Variants in CFHR2 observed in about 807,000 individuals in gnomAD.
CFHR2 encodes the protein complement factor H-related protein 2.
Under a neutral mutation model 21.7 loss-of-function variants are expected in CFHR2, and 22 were observed. That is an observed-to-expected ratio of 1.01 (90% CI 0.72 to 1.45). CFHR2 has a LOEUF of 1.45. Ranked by LOEUF, CFHR2 falls within the 40% of genes most tolerant of loss-of-function variation. The probability of loss-of-function intolerance (pLI) is 0.00; values close to 1 mark genes in which losing one functional copy is unlikely to be tolerated. For synonymous variants in CFHR2, 98 were observed against 97.4 expected (o/e 1.01, Z -0.04); for missense variants, 294 against 293.3 (o/e 1.00, Z -0.02).
At chr1:196,957,111 G>T (rs1366375057) in intron 3 of CFHR2, among the ~76,000 whole-genome samples, 2 of 152,038 alleles carry the variant, frequency 1.3e-5, no homozygotes, top group Non-Finnish European at 2.9e-5. Context: ...GTCTTGTAAG[G>T]CTGCTCTTTT....
intron 3 of CFHR2, among the ~76,000 whole-genome samples, chr1:196,957,594 CT>C (rs1431525485): frequency 1.3e-5 from 2 of 152,050 alleles, no homozygotes; most frequent in Non-Finnish European, 2.9e-5. Flanking sequence ...AAGAAACTTT[CT>C]GTGTTTTGTC....
At chr1:196,946,867 T>C (rs1484288236) in intron 1 of CFHR2, among the ~76,000 whole-genome samples, 1 of 152,254 alleles carries the variant, frequency 6.6e-6, no homozygotes, top group Non-Finnish European at 1.5e-5. Context: ...GTAACACTTC[T>C]ATATTGTCAT....
At position 196,951,046 on chromosome 1, in the gene CFHR2, C is replaced by G. The variant is rs756512137; in HGVS notation, c.430+18C>G. On this transcript the variant is annotated intron_variant, in intron 3 of 4. Transcript: ENST00000367415. ...GTCCACTAGTAAGTGCAATGTTGTTCTCTCAGATGCTGTTATATTATAAAG... is the reference window on the plus strand; with the variant it reads ...GTCCACTAGTAAGTGCAATGTTGTTGTCTCAGATGCTGTTATATTATAAAG... 3 of 1,613,152 alleles carry G rather than the reference C, an allele frequency of 1.9e-6. No individual in the cohort carries two copies. The South Asian group carries it at 3.3e-5, about 18-fold the overall frequency.
chr1:196,950,850 A>G lies in CFHR2; in HGVS notation c.254-2A>G, dbSNP rs763269840. 6.2e-7 allele frequency: 1 copy of G among 1,612,928 alleles called. No homozygotes were observed. Among genetic ancestry groups the G allele is most frequent in the East Asian group, 2.2e-5 (1 of 44,886 alleles). On this transcript the variant is annotated splice_acceptor_variant, in intron 2 of 4. Transcript: ENST00000367415. LOFTEE classifies it high-confidence loss of function. ...GTCTATTAATCTGTTTTTGGTCTTT[A>G]GGACTGTGTTTCTTTCCTTTTGTGG...
chr1:196,947,289 A>C (rs1659541270), intron 1 of CFHR2, among the ~76,000 whole-genome samples: 1 of 152,204 alleles, frequency 6.6e-6, no homozygotes, highest in African/African-American at 2.4e-5. Flanking sequence ...GCACCATTGC[A>C]GATATGCACA....
chr1:196,956,081 G>A (rs1484351430), intron 3 of CFHR2, among the ~76,000 whole-genome samples: 1 of 152,140 alleles, frequency 6.6e-6, no homozygotes, highest in Non-Finnish European at 1.5e-5. Context: ...CCATCCCCAT[G>A]ATCCAACCAC....
At chr1:196,946,545 CTTAT>C (rs1350535429) in intron 1 of CFHR2, among the ~76,000 whole-genome samples, 2 of 151,952 alleles carry the variant, frequency 1.3e-5, no homozygotes, top group African/African-American at 4.8e-5. Flanking sequence ...AAATATTTTA[CTTAT>C]TTATTTACTT....
chr1:196,946,679 G>C (rs778018064), intron 1 of CFHR2, among the ~76,000 whole-genome samples: 1 of 152,136 alleles, frequency 6.6e-6, no homozygotes, highest in African/African-American at 2.4e-5. Context: ...AAGATCTTCA[G>C]GGCAGTAACA....
rs139906053 is a variant in CFHR2, at chr1:196,958,000, C to T, written c.540C>T (p.Asn180=). 106 of 1,613,736 alleles carry T rather than the reference C, an allele frequency of 6.6e-5. No individual in the cohort carries two copies. The African/African-American group carries it at 1.2e-3, about 19-fold the overall frequency. ...CATCAGTTGAGTACCAGTGCCAGAA[C>T]TTGTATCAACTTGAGGGTAACAATC... ...PGSSVEYQCQ[N]LYQLEGNNQI... is the part of the protein sequence containing the mutation. Residue 180 remains asparagine, a synonymous_variant, in exon 4 of 5, where the codon AAC becomes AAT. Transcript: ENST00000367415.
At chr1:196,952,173 G>T (rs1451763742) in intron 3 of CFHR2, among the ~76,000 whole-genome samples, 2 of 152,128 alleles carry the variant, frequency 1.3e-5, no homozygotes, top group Admixed American at 6.5e-5. Flanking sequence ...CCACTGGTAA[G>T]TCTGAAGTAG....
In CFHR2 at chr1:196,958,940, A is replaced by T. The variant is rs1174198311; in HGVS notation, c.673A>T (p.Asn225Tyr). Residue 225 changes from asparagine to tyrosine, a missense_variant, in exon 5 of 5, where the codon AAC (asparagine) becomes TAC (tyrosine). Coordinates refer to ENST00000367415, the MANE Select transcript of CFHR2 (RefSeq NM_005666.4). ...EKYNIKLKWT[N>Y]QQKLYSRTGD... The stretch of plus-strand genomic sequence containing the variant: ...ATATAACATAAAATTAAAGTGGACA[A>T]ACCAACAAAAGCTTTATTCAAGAAC... 6.2e-7 allele frequency: 1 copy of T among 1,605,168 alleles called. No individual in the cohort carries two copies. The highest frequency in any genetic ancestry group is 8.5e-7 in the Non-Finnish European group (1 of 1,172,514).
intron 3 of CFHR2, 53 bp downstream of exon 3, chr1:196,951,081 A>T: frequency 6.3e-7 from 1 of 1,591,172 alleles, no homozygotes; most frequent in South Asian, 1.1e-5. Flanking sequence ...GTGTAAAAGA[A>T]ATAAATCTTT....
At chr1:196,955,837 A>T (rs1558271850) in intron 3 of CFHR2, among the ~76,000 whole-genome samples, 1 of 151,928 alleles carries the variant, frequency 6.6e-6, no homozygotes, top group East Asian at 1.9e-4. Context: ...ACAGAGCGAG[A>T]CTCTGTCTCA....
chr1:196,958,120 G>C, intron 4 of CFHR2, 47 bp downstream of exon 4: 1 of 1,549,232 alleles, frequency 6.5e-7, no homozygotes, highest in Non-Finnish European at 8.9e-7. Context: ...TCAGTGTGAT[G>C]AGTCTGATAT....
At chr1:196,953,957 G>A (rs1012866461) in intron 3 of CFHR2, among the ~76,000 whole-genome samples, 12 of 151,866 alleles carry the variant, frequency 7.9e-5, no homozygotes, top group African/African-American at 2.7e-4. Context: ...GATTAAATAA[G>A]AAAAATAAAC....
intron 3 of CFHR2, among the ~76,000 whole-genome samples, chr1:196,953,887 A>G (rs1039998432): frequency 6.6e-5 from 10 of 152,228 alleles, no homozygotes; most frequent in Non-Finnish European, 1.5e-4. Flanking sequence ...TTGAATGTCA[A>G]TTATGTAGTT....
chr1:196,958,203 T>C (rs1331847998), intron 4 of CFHR2, 130 bp downstream of exon 4: 1 of 758,092 alleles, frequency 1.3e-6, no homozygotes, highest in Non-Finnish European at 2.0e-6. Flanking sequence ...ACCAAATGTC[T>C]ATATGATAGA....
chr1:196,949,086 TAAG>T, intron 1 of CFHR2, among the ~76,000 whole-genome samples: 1 of 152,300 alleles, frequency 6.6e-6, no homozygotes, highest in East Asian at 1.9e-4. Flanking sequence ...AATTGAGAGC[TAAG>T]AACAACCCTG....
intron 3 of CFHR2, 55 bp downstream of exon 3, chr1:196,951,083 T>G: frequency 3.8e-6 from 6 of 1,586,232 alleles, no homozygotes; most frequent in Non-Finnish European, 5.2e-6. Flanking sequence ...GTAAAAGAAA[T>G]AAATCTTTTT....
Sources: gnomAD v4.1 joint callset for allele counts (sites outside exome capture counted in the v4.1 genomes callset) on GRCh38, gnomAD v4.1.1 for gene constraint, MANE v1.5 for transcripts, NCBI Gene and HGNC (gene_info 2026-07-23, HGNC 2026-07-21) for gene names.